The following BIRC6 variants were observed in gnomAD, a reference collection of about 807,000 sequenced individuals.
BIRC6 encodes the protein dual E2 ubiquitin-conjugating enzyme/E3 ubiquitin-protein ligase BIRC6.
BIRC6 carries 98 observed loss-of-function variants against 503.3 expected under a neutral mutation model. That is an observed-to-expected ratio of 0.19 (90% CI 0.17 to 0.23). The LOEUF (loss-of-function observed/expected upper bound fraction) is 0.23, where lower values mean the gene tolerates loss of function less well. Among genes scored for constraint, BIRC6 ranks in the 10% least tolerant of loss-of-function variants. The pLI is 1.00. For synonymous variants in BIRC6, 2,240 were observed against 2,078.7 expected, an observed-to-expected ratio of 1.08 and a Z score of -2.11; for missense variants, 5,360 against 5,806.0, an observed-to-expected ratio of 0.92 and a Z score of 2.50.
At chr2:32,441,584 A>T (rs1016544639) in intron 17 of BIRC6, 122 bp downstream of exon 17, 3 of 844,440 alleles carry the variant, frequency 3.6e-6, no homozygotes, top group Non-Finnish European at 5.3e-6. Context: ...CATTTTTCTT[A>T]AATAATTATA....
intron 65 of BIRC6, among the ~76,000 whole-genome samples, chr2:32,567,840 G>A (rs150415811): frequency 6.6e-6 from 1 of 152,300 alleles, no homozygotes; most frequent in East Asian, 1.9e-4. Flanking sequence ...GGTGGCTCAC[G>A]CCTGTAATCC....
rs1227169671 is a variant in BIRC6, at chr2:32,561,871, G to A, written c.13144+12390G>A. Among the ~76,000 whole-genome samples the A allele has an allele frequency of 5.9e-5, 9 of 151,388 alleles. No homozygotes were observed. The East Asian group carries it at 9.7e-4, about 16-fold the overall frequency. The stretch of plus-strand genomic sequence containing the variant: ...AGCCTGGCCAACATGGTGAAACCCC[G>A]TCTTTACTAAAAATACAAAAACTAG... On this transcript the variant is annotated intron_variant, in intron 65 of 73. Coordinates refer to ENST00000421745, the MANE Select transcript of BIRC6 (RefSeq NM_016252.4).
chr2:32,569,742 T>C (rs1201366447), intron 65 of BIRC6, among the ~76,000 whole-genome samples: 1 of 152,108 alleles, frequency 6.6e-6, no homozygotes, highest in Non-Finnish European at 1.5e-5. Context: ...TAGATGATTA[T>C]TGGTGTATAG....
At chr2:32,496,013 T>C (rs1256242521) in intron 45 of BIRC6, among the ~76,000 whole-genome samples, 1 of 151,804 alleles carries the variant, frequency 6.6e-6, no homozygotes, top group African/African-American at 2.4e-5. Context: ...AATTTTGTTT[T>C]TGTAGTTTTA....
intron 6 of BIRC6, among the ~76,000 whole-genome samples, chr2:32,396,200 G>C (rs183426117): frequency 9.9e-5 from 15 of 152,226 alleles, no homozygotes; most frequent in African/African-American, 4.8e-5. Flanking sequence ...ATGTTTCCCT[G>C]TGAAGTAGGT....
At chr2:32,550,692 TTGGTCTGAAA>T (rs1259422874) in intron 65 of BIRC6, among the ~76,000 whole-genome samples, 2 of 152,170 alleles carry the variant, frequency 1.3e-5, no homozygotes, top group African/African-American at 4.8e-5. Flanking sequence ...AATTTCTGTT[TTGGTCTGAAA>T]TTGACTCTCT....
intron 66 of BIRC6, among the ~76,000 whole-genome samples, chr2:32,580,683 T>TG (rs1356222455): frequency 2.0e-5 from 3 of 152,174 alleles, no homozygotes; most frequent in Non-Finnish European, 4.4e-5. Flanking sequence ...GAGGGGAAGT[T>TG]GGAACAAGAC....
intron 10 of BIRC6, among the ~76,000 whole-genome samples, chr2:32,421,185 CAA>C (rs2042923593): frequency 6.6e-6 from 1 of 150,940 alleles, no homozygotes; most frequent in African/African-American, 2.4e-5. Context: ...TGGCTAACTG[CAA>C]CCTCTGCCTC....
intron 61 of BIRC6, among the ~76,000 whole-genome samples, chr2:32,542,670 T>C (rs1164480310): frequency 6.6e-6 from 1 of 152,236 alleles, no homozygotes; most frequent in African/African-American, 2.4e-5. Context: ...AATAAGATGT[T>C]TAAATAGTCT....
At chr2:32,414,376 A>AT (rs540203804) in intron 9 of BIRC6, among the ~76,000 whole-genome samples, 1 of 151,600 alleles carries the variant, frequency 6.6e-6, no homozygotes, top group Admixed American at 6.6e-5. Flanking sequence ...TGCACTTTAA[A>AT]TTTTTTTAGG....
intron 44 of BIRC6, among the ~76,000 whole-genome samples, chr2:32,492,351 C>G (rs1305834868): frequency 6.6e-6 from 1 of 151,892 alleles, no homozygotes; most frequent in African/African-American, 2.4e-5. Context: ...AGTTAATACT[C>G]TAATACTTAA....
At chr2:32,377,794 G>A (rs2149367645) in intron 2 of BIRC6, 25 bp downstream of exon 2, 2 of 1,577,046 alleles carry the variant, frequency 1.3e-6, no homozygotes, top group East Asian at 2.3e-5. Context: ...GTATCAATGT[G>A]GTCCTCTACT....
intron 1 of BIRC6, among the ~76,000 whole-genome samples, chr2:32,361,741 A>G (rs2034124279): frequency 6.6e-6 from 1 of 151,510 alleles, no homozygotes; most frequent in African/African-American, 2.4e-5. Context: ...TGATCTTTTT[A>G]CTGTCTTCAT....
chr2:32,521,646 T>C (rs1430699501), intron 57 of BIRC6, among the ~76,000 whole-genome samples: 1 of 145,858 alleles, frequency 6.9e-6, no homozygotes, highest in Non-Finnish European at 1.5e-5. Flanking sequence ...TTTTTGTATT[T>C]TTTTTTTTTT....
chr2:32,495,796 T>TG lies in BIRC6; in HGVS notation c.8468+2129_8468+2130insG, dbSNP rs1162390540. On this transcript the variant is annotated intron_variant, in intron 45 of 73. Coordinates refer to ENST00000421745, the MANE Select transcript of BIRC6 (RefSeq NM_016252.4). The stretch of plus-strand genomic sequence containing the variant: ...TTTTTGCTTTCAGGATGAAGTTTTT[T>TG]TTTTTTTTTTTTTTTGCCTGTGGAT... 4.0e-5 allele frequency among the ~76,000 whole-genome samples: 6 copies of TG among 149,558 alleles called. No homozygotes were observed. In the East Asian group the frequency reaches 9.8e-4, roughly 24 times the overall value.
intron 23 of BIRC6, among the ~76,000 whole-genome samples, chr2:32,457,217 T>C (rs1177620473): frequency 6.6e-6 from 1 of 152,262 alleles, no homozygotes; most frequent in Non-Finnish European, 1.5e-5. Context: ...GTTTTAGATA[T>C]ACTTTTTATA....
chr2:32,504,360 C>T (rs905384349), intron 49 of BIRC6, among the ~76,000 whole-genome samples: 6 of 151,730 alleles, frequency 4.0e-5, no homozygotes, highest in African/African-American at 1.5e-4. Context: ...ATATATTGGA[C>T]ATTGTTTTTT....
intron 53 of BIRC6, among the ~76,000 whole-genome samples, chr2:32,512,349 G>T (rs2054533692): frequency 6.6e-6 from 1 of 152,176 alleles, no homozygotes; most frequent in Admixed American, 6.5e-5. Context: ...CTCCCAGGTT[G>T]TGGTTCAAAA....
chr2:32,357,271 C>G lies in BIRC6; in HGVS notation c.110C>G (p.Ser37Trp), dbSNP rs770960520. The G allele has an allele frequency of 1.1e-5, 16 of 1,516,632 alleles. No homozygotes were observed. The highest frequency in any genetic ancestry group is 1.8e-4 in the Middle Eastern group (1 of 5,496). The allele number at this position is 1,516,632 out of a possible 1,614,324, so 93.9% of individuals were successfully genotyped here. A position where few individuals can be genotyped will look rare whatever the true frequency, so the allele number is the denominator to read the frequency against. Residue 37 changes from serine (S) to tryptophan (W), a missense_variant, in exon 1 of 74, where the codon TCG (serine) becomes TGG (tryptophan). By Grantham distance (177) the Ser-to-Trp change is radical (BLOSUM62 -3). Transcript: ENST00000421745. This position sits in a 1 kb window ranked among gnomAD's most constrained non-coding sequence, Gnocchi z 4.9. ...RKMAAAAAAA[S>W]GPGCSSAAGA... is the part of the protein sequence containing the mutation. ...ATGGCGGCTGCGGCTGCGGCGGCCTCGGGCCCCGGCTGCTCCTCGGCGGCG... is the reference window on the plus strand; with the variant it reads ...ATGGCGGCTGCGGCTGCGGCGGCCTGGGGCCCCGGCTGCTCCTCGGCGGCG...
Sources: allele counts gnomAD v4.1 joint callset (sites outside exome capture counted in the v4.1 genomes callset), GRCh38; gene constraint gnomAD v4.1.1; non-coding constraint Gnocchi (gnomAD v3.1); transcripts MANE v1.5; gene names NCBI Gene and HGNC (gene_info 2026-07-23, HGNC 2026-07-21).